Variants in ST8SIA4 observed in about 807,000 individuals in gnomAD.
ST8SIA4 encodes the protein CMP-N-acetylneuraminate-poly-alpha-2,8-sialyltransferase.
Under a neutral mutation model 33.9 loss-of-function variants are expected in ST8SIA4, and 15 were observed. That is an observed-to-expected ratio of 0.44 (90% CI 0.30 to 0.68). The LOEUF is 0.68. ST8SIA4 is among the 30% of genes least tolerant of loss of function. The pLI is 0.10. For synonymous variants in ST8SIA4, 171 were observed against 151.2 expected (o/e 1.13, Z -0.96); for missense variants, 321 against 428.0 (o/e 0.75, Z 2.21).
intron 4 of ST8SIA4, chr5:100,849,474 T>C (rs1307864187): frequency 7.1e-6 from 7 of 984,726 alleles, no homozygotes; most frequent in African/African-American, 1.7e-5. Flanking sequence ...AATACATATG[T>C]GAGCTTGAAT....
intron 3 of ST8SIA4, among the ~76,000 whole-genome samples, chr5:100,874,786 G>C (rs1752270440): frequency 6.6e-6 from 1 of 151,900 alleles, no homozygotes; most frequent in East Asian, 1.9e-4. Flanking sequence ...GTTTTATCAT[G>C]TTGCCCAGGC....
chr5:100,863,592 AT>A (rs1325715467), intron 3 of ST8SIA4, among the ~76,000 whole-genome samples: 32 of 152,212 alleles, frequency 2.1e-4, no homozygotes, highest in African/African-American at 7.7e-4. Context: ...CATATAAGAA[AT>A]GTACCCAGTA....
rs1752536258 is a variant in ST8SIA4, at chr5:100,886,329, A to G, written c.503+14T>C. ...TGAAAAACTTACAATCTCAAAAAGCAGAAGAAAGCTCACCTTATTACAAAA... is the reference window on the plus strand; with the variant it reads ...TGAAAAACTTACAATCTCAAAAAGCGGAAGAAAGCTCACCTTATTACAAAA... On this transcript the variant is annotated intron_variant, in intron 3 of 4. Coordinates refer to ENST00000231461, the MANE Select transcript of ST8SIA4 (RefSeq NM_005668.6). 3 of 1,603,862 alleles carry G rather than the reference A, an allele frequency of 1.9e-6. No homozygotes were observed. Among genetic ancestry groups the G allele is most frequent in the African/African-American group, 2.7e-5 (2 of 74,552 alleles).
intron 4 of ST8SIA4, among the ~76,000 whole-genome samples, chr5:100,814,684 A>G (rs1189757992): frequency 1.3e-5 from 2 of 152,086 alleles, no homozygotes; most frequent in East Asian, 1.9e-4. Context: ...ATAAGACTGT[A>G]TTTTGTGTTT....
intron 3 of ST8SIA4, among the ~76,000 whole-genome samples, chr5:100,863,861 G>A (rs1205078515): frequency 6.6e-6 from 1 of 152,220 alleles, no homozygotes; most frequent in African/African-American, 2.4e-5. Context: ...CTACGGACAA[G>A]TGGTAAGGAC....
intron 3 of ST8SIA4, among the ~76,000 whole-genome samples, chr5:100,882,304 T>C (rs1239529941): frequency 6.6e-6 from 1 of 152,212 alleles, no homozygotes; most frequent in Non-Finnish European, 1.5e-5. Context: ...ATTTTGCCCC[T>C]GCCCTAGAGA....
intron 2 of ST8SIA4, among the ~76,000 whole-genome samples, chr5:100,891,756 T>C (rs1390917592): frequency 6.6e-6 from 1 of 151,990 alleles, no homozygotes; most frequent in African/African-American, 2.4e-5. Context: ...CTAAAATATA[T>C]TCTTAACAAA....
intron 4 of ST8SIA4, among the ~76,000 whole-genome samples, chr5:100,854,840 G>T (rs956826615): frequency 6.6e-6 from 1 of 152,120 alleles, no homozygotes; most frequent in Non-Finnish European, 1.5e-5. Context: ...TTGGCCCCCT[G>T]AACTTGCCCT....
At chr5:100,859,055 A>T (rs183204166) in intron 3 of ST8SIA4, among the ~76,000 whole-genome samples, 94 of 152,212 alleles carry the variant, frequency 6.2e-4, no homozygotes, top group African/African-American at 2.2e-3. Context: ...TTTTAGTCAT[A>T]TAATTAGCTG....
intron 4 of ST8SIA4, among the ~76,000 whole-genome samples, chr5:100,844,461 C>A (rs985862166): frequency 6.6e-6 from 1 of 151,860 alleles, no homozygotes; most frequent in African/African-American, 2.4e-5. Flanking sequence ...ATTTGGGACA[C>A]ACATTGATGA....
chr5:100,898,167 C>T (rs1752820385), intron 1 of ST8SIA4, among the ~76,000 whole-genome samples: 2 of 152,082 alleles, frequency 1.3e-5, no homozygotes, highest in African/African-American at 4.8e-5. Flanking sequence ...CATGGGCTTG[C>T]ACTCTTTAAG....
intron 4 of ST8SIA4, chr5:100,849,152 A>G (rs1334913206): frequency 1.0e-6 from 1 of 984,418 alleles, no homozygotes; most frequent in African/African-American, 1.7e-5. Context: ...AGGATGTTTA[A>G]TTAAGGACAA....
intron 3 of ST8SIA4, chr5:100,885,243 T>C: frequency 1.7e-6 from 1 of 580,820 alleles, no homozygotes; most frequent in East Asian, 1.4e-4. Context: ...ACAGTTCAAG[T>C]TTTAAAAAGC....
At chr5:100,824,157 T>C (rs1751091342) in intron 4 of ST8SIA4, among the ~76,000 whole-genome samples, 1 of 152,162 alleles carries the variant, frequency 6.6e-6, no homozygotes, top group Admixed American at 6.5e-5. Context: ...TACGAAGAAA[T>C]GTACAGTATT....
At chr5:100,896,786 G>C (rs552169639) in intron 1 of ST8SIA4, among the ~76,000 whole-genome samples, 3 of 152,146 alleles carry the variant, frequency 2.0e-5, no homozygotes, top group Non-Finnish European at 2.9e-5. Flanking sequence ...AGAATGTTTT[G>C]TAAGTGCTCC....
At chr5:100,864,795 A>G (rs1377623956) in intron 3 of ST8SIA4, among the ~76,000 whole-genome samples, 1 of 152,172 alleles carries the variant, frequency 6.6e-6, no homozygotes, top group African/African-American at 2.4e-5. Flanking sequence ...CATAACATAC[A>G]CATAACTGAA....
At chr5:100,856,082 T>C in intron 4 of ST8SIA4, 21 bp downstream of exon 4, 3 of 1,610,046 alleles carry the variant, frequency 1.9e-6, no homozygotes, top group Non-Finnish European at 2.5e-6. Context: ...AAGGACAAAC[T>C]GGTCCTTTCC....
At chr5:100,898,484 C>G (rs1186980193) in intron 1 of ST8SIA4, among the ~76,000 whole-genome samples, 1 of 152,186 alleles carries the variant, frequency 6.6e-6, no homozygotes, top group South Asian at 2.1e-4. Context: ...TTTTACTCCG[C>G]TGTTTGAATT....
intron 4 of ST8SIA4, among the ~76,000 whole-genome samples, chr5:100,831,279 G>A (rs1257653337): frequency 6.6e-6 from 1 of 152,092 alleles, no homozygotes; most frequent in Admixed American, 6.6e-5. Flanking sequence ...CTTACCCTGG[G>A]GTGACTGACA....
Sources: gnomAD v4.1 joint callset for allele counts (sites outside exome capture counted in the v4.1 genomes callset) on GRCh38, gnomAD v4.1.1 for gene constraint, MANE v1.5 for transcripts, NCBI Gene and HGNC (gene_info 2026-07-23, HGNC 2026-07-21) for gene names.